SETD4: variants seen among roughly 807,000 people sequenced by gnomAD.
The protein encoded by SETD4 is SET domain-containing protein 4.
Under a neutral mutation model 58.3 loss-of-function variants are expected in SETD4, and 46 were observed. The observed-to-expected ratio is 0.79, with a 90% CI of 0.62 to 1.01. The LOEUF is 1.01. Among genes scored for constraint, SETD4 ranks in the 50% least tolerant of loss-of-function variants. The probability of loss-of-function intolerance (pLI) is 0.00; values close to 1 mark genes in which losing one functional copy is unlikely to be tolerated. For missense variants in SETD4, 490 were observed against 523.3 expected (o/e 0.94, Z 0.62); for synonymous variants, 190 against 202.6 (o/e 0.94, Z 0.53).
At chr21:36,047,532 A>G (rs767496323) in intron 5 of SETD4, among the ~76,000 whole-genome samples, 2 of 152,184 alleles carry the variant, frequency 1.3e-5, no homozygotes, top group Non-Finnish European at 2.9e-5. Flanking sequence ...AAGAGCTACT[A>G]TGATGGAAGA....
intron 9 of SETD4, among the ~76,000 whole-genome samples, chr21:36,039,448 G>A (rs1385617793): frequency 1.3e-5 from 2 of 152,168 alleles, no homozygotes; most frequent in East Asian, 1.9e-4. Context: ...AGGCTGAAGT[G>A]TCCGAAAAGG....
At position 36,038,149 on chromosome 21, in the gene SETD4, C is replaced by A; in HGVS notation, c.1188+1G>T. The stretch of plus-strand genomic sequence containing the variant: ...AAGGATGTCATATTCTAGAAACATA[C>A]CTTTTGAAGCACAGCATTAGTCTCT... On this transcript the variant is annotated splice_donor_variant, in intron 10 of 11. Transcript: ENST00000332131. LOFTEE classifies it high-confidence loss of function. 6.2e-7 allele frequency: 1 copy of A among 1,609,156 alleles called. No individual in the cohort carries two copies. Among genetic ancestry groups the A allele is most frequent in the African/African-American group, 1.3e-5 (1 of 74,726 alleles).
At chr21:36,047,833 A>AT (rs2064409952) in intron 5 of SETD4, among the ~76,000 whole-genome samples, 2 of 119,922 alleles carry the variant, frequency 1.7e-5, no homozygotes, top group African/African-American at 6.4e-5. Flanking sequence ...TACTAAAAAT[A>AT]CAAAAAAAAA....
chr21:36,038,915 C>G (rs2063910311), intron 9 of SETD4, among the ~76,000 whole-genome samples: 1 of 152,038 alleles, frequency 6.6e-6, no homozygotes, highest in South Asian at 2.1e-4. Context: ...AGCGCCAGAC[C>G]TAGACACTAG....
rs756440912 is a variant in SETD4 at position 36,040,603 on chromosome 21, T to C, written c.1036A>G (p.Lys346Glu). The change falls in exon 9 of 12, where the codon AAG becomes GAG. Residue 346 changes from lysine to glutamate, a missense_variant. Lys to Glu is a moderately conservative substitution (Grantham distance 56). Coordinates refer to ENST00000332131, the MANE Select transcript of SETD4 (RefSeq NM_017438.5). ...GPSWRLLTALKLLCLEAEKFT... is the reference protein window; with the variant it reads ...GPSWRLLTALELLCLEAEKFT... Reference sequence around the variant, plus strand: ...TTCTCAGCTTCCAGACATAACAACTTAAGGGCTGTGAGTAGCCTCCAAGAT... The same window carrying C: ...TTCTCAGCTTCCAGACATAACAACTCAAGGGCTGTGAGTAGCCTCCAAGAT... 1.2e-6 allele frequency: 2 copies of C among 1,613,808 alleles called. No homozygotes were observed. Among genetic ancestry groups the C allele is most frequent in the East Asian group, 4.5e-5 (2 of 44,860 alleles).
At chr21:36,043,379 T>C in intron 7 of SETD4, 1 of 764,116 alleles carries the variant, frequency 1.3e-6, no homozygotes, top group Non-Finnish European at 1.6e-6. Flanking sequence ...GATTTATCTC[T>C]GTGATTAACA....
intron 4 of SETD4, chr21:36,050,438 G>T: frequency 1.2e-6 from 2 of 1,614,144 alleles, no homozygotes; most frequent in Non-Finnish European, 1.7e-6. Context: ...CACAAGTGGT[G>T]GTAGTCAGAG....
chr21:36,054,140 G>A (rs1277736745), intron 3 of SETD4, among the ~76,000 whole-genome samples: 5 of 152,156 alleles, frequency 3.3e-5, no homozygotes, highest in African/African-American at 1.2e-4. Context: ...CCATGAGATG[G>A]GCTCTCCATG....
At position 36,058,836 on chromosome 21, in the gene SETD4, C is replaced by G; in HGVS notation, c.53G>C (p.Gly18Ala). The change falls in exon 2 of 12, where the codon GGA becomes GCA. Residue 18 changes from glycine (G) to alanine (A), a missense_variant. Transcript: ENST00000332131. ...TSRIRRRKLC[G>A]SSESRGVNES... ...CATACCTCCTCTTGATTCAGAACTT[C>G]CGCAGAGTTTTCGTCTTCTGATCCG... is the stretch of plus-strand genomic sequence containing the variant. The G allele has an allele frequency of 1.2e-6, 2 of 1,602,324 alleles. No homozygotes were observed. Among genetic ancestry groups the G allele is most frequent in the Non-Finnish European group, 1.7e-6 (2 of 1,175,960 alleles).
chr21:36,051,985 T>C (rs2064719768), intron 4 of SETD4, among the ~76,000 whole-genome samples: 1 of 152,084 alleles, frequency 6.6e-6, no homozygotes, highest in African/African-American at 2.4e-5. Flanking sequence ...CAATAAAGGC[T>C]TCTTAATGAC....
chr21:36,043,848 G>A lies in SETD4; in HGVS notation c.835C>T (p.Arg279Trp), dbSNP rs375926641. 15 of 1,614,054 alleles carry A rather than the reference G, an allele frequency of 9.3e-6. No individual in the cohort carries two copies. The highest frequency in any genetic ancestry group is 3.3e-5 in the South Asian group (3 of 91,084). ...ACAAATCCGTATTCCAGGAACAGCC[G>A]TTGATTATCGTGAGGGCCGTAACAG... ...FICYGPHDNQ[R>W]LFLEYGFVSV... The change falls in exon 7 of 12, where the codon CGG (arginine) becomes TGG (tryptophan). Residue 279 changes from arginine (R) to tryptophan (W), a missense_variant. Physicochemically the swap from Arg to Trp is moderately radical, Grantham distance 101 (BLOSUM62 -3). Transcript: ENST00000332131.
chr21:36,038,155 G>A lies in SETD4; in HGVS notation c.1183C>T (p.Gln395Ter), dbSNP rs1555860896. The A allele has an allele frequency of 8.7e-6, 14 of 1,609,740 alleles. No individual in the cohort carries two copies. Among genetic ancestry groups the A allele is most frequent in the Non-Finnish European group, 1.2e-5 (14 of 1,178,938 alleles). Residue 395 changes from glutamine to a stop codon, truncating the protein, a stop_gained, in exon 10 of 12, where the codon CAA becomes TAA. Transcript: ENST00000332131. LOFTEE classifies it high-confidence loss of function. The stretch of plus-strand genomic sequence containing the variant: ...GTCATATTCTAGAAACATACCTTTT[G>A]AAGCACAGCATTAGTCTCTTCTATG... ...YFIEETNAVL[Q>*]KVSHMKDEKE...
intron 7 of SETD4, 84 bp downstream of exon 7, chr21:36,043,698 T>C: frequency 6.4e-7 from 1 of 1,562,476 alleles, no homozygotes; most frequent in Non-Finnish European, 8.7e-7. Context: ...GGTTTTGATA[T>C]TTTTATTAAA....
At chr21:36,050,572 T>C (rs1209338958) in intron 4 of SETD4, 1 of 1,614,004 alleles carries the variant, frequency 6.2e-7, no homozygotes, top group African/African-American at 1.3e-5. Context: ...TTCTGGACAT[T>C]TCAAGAGTTG....
intron 3 of SETD4, among the ~76,000 whole-genome samples, chr21:36,056,446 T>TA (rs1305767440): frequency 6.6e-6 from 1 of 152,204 alleles, no homozygotes; most frequent in East Asian, 1.9e-4. Flanking sequence ...GTCCTCCCTG[T>TA]GGTTATCTCT....
intron 7 of SETD4, chr21:36,042,112 G>A (rs1457355913): frequency 1.2e-5 from 4 of 334,342 alleles, no homozygotes; most frequent in Non-Finnish European, 2.2e-5. Context: ...GACTAAACAC[G>A]CATAACCTCA....
chr21:36,041,845 G>T lies in SETD4; in HGVS notation c.945C>A (p.Asp315Glu). 2 of 1,477,680 alleles carry T rather than the reference G, an allele frequency of 1.4e-6. No homozygotes were observed. Among genetic ancestry groups the T allele is most frequent in the Non-Finnish European group, 1.8e-6 (2 of 1,083,680 alleles). 91.5% of individuals were successfully genotyped at this position (1,477,680 alleles called of 1,614,324 possible). The stretch of plus-strand genomic sequence containing the variant: ...GATCCTTTAAAATAGAAATCTTTTT[G>T]TCCATCTGTTTATCTGTTGATGGAA... The part of the protein sequence containing the change: ...KYLPSTDKQM[D>E]KKISILKDHG... The change falls in exon 8 of 12, where the codon GAC becomes GAA. Residue 315 changes from aspartate to glutamate, a missense_variant. Coordinates refer to ENST00000332131, the MANE Select transcript of SETD4 (RefSeq NM_017438.5).
At chr21:36,052,279 C>T (rs1367088209) in intron 4 of SETD4, among the ~76,000 whole-genome samples, 1 of 151,762 alleles carries the variant, frequency 6.6e-6, no homozygotes, top group African/African-American at 2.4e-5. Flanking sequence ...AGGCATAGTG[C>T]CTCATGCTTG....
At chr21:36,047,834 C>CAAAAAAAAAAAA (rs34827028) in intron 5 of SETD4, among the ~76,000 whole-genome samples, 6 of 70,870 alleles carry the variant, frequency 8.5e-5, no homozygotes, top group Middle Eastern at 8.2e-3. Context: ...ACTAAAAATA[C>CAAAAAAAAAAAA]AAAAAAAAAA....
Sources: gnomAD v4.1 joint callset for allele counts (sites outside exome capture counted in the v4.1 genomes callset) on GRCh38, gnomAD v4.1.1 for gene constraint, MANE v1.5 for transcripts, NCBI Gene and HGNC (gene_info 2026-07-23, HGNC 2026-07-21) for gene names.